RPRD1A: variants seen among roughly 807,000 people sequenced by gnomAD.
RPRD1A encodes the protein regulation of nuclear pre-mRNA domain-containing protein 1A.
A neutral mutation model predicts 37.8 loss-of-function variants in RPRD1A; 9 were observed. The ratio of observed to expected loss-of-function variants is 0.24; its 90% CI spans 0.14 to 0.42. The LOEUF (loss-of-function observed/expected upper bound fraction) is 0.42, where lower values mean the gene tolerates loss of function less well. Ranked by LOEUF, RPRD1A falls within the 10% of genes least tolerant of loss-of-function variation. The probability of loss-of-function intolerance (pLI) is 1.00; values close to 1 mark genes in which losing one functional copy is unlikely to be tolerated. For synonymous variants in RPRD1A, 138 were observed against 139.7 expected (o/e 0.99, Z 0.08); for missense variants, 255 against 371.0 (o/e 0.69, Z 2.57).
At chr18:36,016,639 A>G (rs1910599416) in intron 6 of RPRD1A, among the ~76,000 whole-genome samples, 1 of 152,022 alleles carries the variant, frequency 6.6e-6, no homozygotes. Flanking sequence ...GCCAAAACTT[A>G]GTTGAAGGGT....
chr18:36,030,177 A>T (rs1911672820), intron 4 of RPRD1A, among the ~76,000 whole-genome samples: 1 of 151,274 alleles, frequency 6.6e-6, no homozygotes, highest in Admixed American at 6.6e-5. Context: ...AAGAATGAAA[A>T]TTTTAGTGTA....
intron 1 of RPRD1A, among the ~76,000 whole-genome samples, chr18:36,066,413 AAG>A (rs1265069698): frequency 1.3e-5 from 2 of 152,244 alleles, no homozygotes; most frequent in East Asian, 1.9e-4. Flanking sequence ...AACAATAATG[AAG>A]AGTGTCCACT....
chr18:36,049,244 A>C (rs1023042654), intron 1 of RPRD1A, among the ~76,000 whole-genome samples: 3 of 152,192 alleles, frequency 2.0e-5, no homozygotes, highest in African/African-American at 7.2e-5. Flanking sequence ...ACACACACAA[A>C]AATGTACTCA....
intron 6 of RPRD1A, among the ~76,000 whole-genome samples, chr18:35,997,944 A>G (rs1909182548): frequency 1.3e-5 from 2 of 152,030 alleles, no homozygotes; most frequent in Non-Finnish European, 1.5e-5. Context: ...TGACTCCCTT[A>G]CACTGTTATT....
chr18:36,026,587 G>A, intron 6 of RPRD1A: 1 of 214,474 alleles, frequency 4.7e-6, no homozygotes, highest in East Asian at 1.1e-4. Flanking sequence ...ACTGCCACCT[G>A]CTATTTTCCT....
intron 2 of RPRD1A, among the ~76,000 whole-genome samples, chr18:36,032,292 A>T (rs1368546192): frequency 6.6e-6 from 1 of 152,256 alleles, no homozygotes; most frequent in Non-Finnish European, 1.5e-5. Context: ...GGTTTTGCAT[A>T]TAATAAATAT....
At chr18:36,030,139 A>G (rs1911669820) in intron 4 of RPRD1A, among the ~76,000 whole-genome samples, 1 of 151,726 alleles carries the variant, frequency 6.6e-6, no homozygotes, top group Admixed American at 6.6e-5. Context: ...TAAAAACAAA[A>G]ATACTTAAAG....
chr18:36,017,606 G>C (rs1028492147), intron 6 of RPRD1A, among the ~76,000 whole-genome samples: 5 of 152,182 alleles, frequency 3.3e-5, no homozygotes, highest in African/African-American at 1.2e-4. Context: ...TGTAATCTTT[G>C]TTAGCAGTTT....
At chr18:36,063,874 T>C (rs1398233778) in intron 1 of RPRD1A, 16 of 152,342 alleles carry the variant, frequency 1.1e-4, no homozygotes, top group Admixed American at 9.8e-4. Context: ...GGTATGTTCA[T>C]CAGCATCACC....
chr18:35,990,309 C>T lies in RPRD1A; in HGVS notation c.*2842G>A, dbSNP rs189638233. 1 of 152,294 alleles carries T rather than the reference C, an allele frequency of 6.6e-6. No homozygotes were observed. Among genetic ancestry groups the T allele is most frequent in the African/African-American group, 2.4e-5 (1 of 41,552 alleles). 9.4% of individuals were successfully genotyped at this position (152,294 alleles called of 1,614,324 possible). ...TTTAAAAAGATGAGTTGCTCATCTA[C>T]AGTGATAACTGACAACTTAGTTTTG... On this transcript the variant is annotated 3_prime_UTR_variant, in exon 7 of 7. Transcript: ENST00000399022.
intron 1 of RPRD1A, among the ~76,000 whole-genome samples, chr18:36,060,105 T>C (rs935549622): frequency 6.6e-6 from 1 of 152,204 alleles, no homozygotes; most frequent in Admixed American, 6.5e-5. Context: ...ATTTTTAGGA[T>C]TTATATTGCT....
chr18:36,013,000 A>C (rs572841425), intron 6 of RPRD1A, among the ~76,000 whole-genome samples: 86 of 152,308 alleles, frequency 5.6e-4, no homozygotes, highest in African/African-American at 1.9e-3. Context: ...CCAGAGGTAC[A>C]GGGAGGATTC....
intron 1 of RPRD1A, among the ~76,000 whole-genome samples, chr18:36,063,616 C>A (rs2088959011): frequency 6.6e-6 from 1 of 152,140 alleles, no homozygotes; most frequent in African/African-American, 2.4e-5. Flanking sequence ...TGATCGATTC[C>A]TTTCATAATT....
chr18:36,030,415 A>T (rs749300852), intron 4 of RPRD1A, among the ~76,000 whole-genome samples: 79 of 151,998 alleles, frequency 5.2e-4, no homozygotes, highest in Admixed American at 6.5e-4. Flanking sequence ...CCCAGGAGGC[A>T]GAGGTTGCAG....
At chr18:35,993,819 A>C (rs1004894760) in intron 6 of RPRD1A, among the ~76,000 whole-genome samples, 4 of 152,104 alleles carry the variant, frequency 2.6e-5, no homozygotes, top group African/African-American at 9.7e-5. Context: ...TCCCAGAAAG[A>C]GCGCCTCTCA....
At chr18:36,047,003 C>A (rs574118718) in intron 1 of RPRD1A, among the ~76,000 whole-genome samples, 1 of 151,984 alleles carries the variant, frequency 6.6e-6, no homozygotes, top group South Asian at 2.1e-4. Flanking sequence ...CTTACAAAGA[C>A]TTTAAAGCAG....
chr18:36,014,279 C>G (rs1944699632), intron 6 of RPRD1A, among the ~76,000 whole-genome samples: 1 of 152,152 alleles, frequency 6.6e-6, no homozygotes. Context: ...CCAGAAACTT[C>G]CAAGCGGAAG....
chr18:36,006,018 C>T (rs1374873431), intron 6 of RPRD1A, among the ~76,000 whole-genome samples: 1 of 152,068 alleles, frequency 6.6e-6, no homozygotes, highest in Non-Finnish European at 1.5e-5. Context: ...CCTCACTGTT[C>T]TCATTTATAA....
Position 36,043,535 on chromosome 18 carries a change from T to C in RPRD1A, c.152-9698A>G, listed in dbSNP as rs1277197913. Among the ~76,000 whole-genome samples the C allele has an allele frequency of 2.0e-5, 3 of 152,156 alleles. No homozygotes were observed. The South Asian group carries it at 6.2e-4, about 31-fold the overall frequency. On this transcript the variant is annotated intron_variant, in intron 1 of 6. Coordinates refer to ENST00000399022, the MANE Select transcript of RPRD1A (RefSeq NM_018170.5). ...AATTTCAGTATATGCAACAAATGAA[T>C]TATAAAAGTCCTGAGAAGAATAAAC...
Sources: allele counts gnomAD v4.1 joint callset (sites outside exome capture counted in the v4.1 genomes callset), GRCh38; gene constraint gnomAD v4.1.1; transcripts MANE v1.5; gene names NCBI Gene and HGNC (gene_info 2026-07-23, HGNC 2026-07-21).